Variants in SIPA1L1 observed in about 807,000 individuals in gnomAD.
SIPA1L1 encodes the protein signal induced proliferation associated 1 like 1.
SIPA1L1 carries 26 observed loss-of-function variants against 162.7 expected under a neutral mutation model. The observed-to-expected ratio is 0.16, with a 90% CI of 0.12 to 0.22. The LOEUF (loss-of-function observed/expected upper bound fraction) is 0.22, where lower values mean the gene tolerates loss of function less well. SIPA1L1 is among the 10% of genes least tolerant of loss of function. The pLI, the probability that SIPA1L1 is intolerant of heterozygous loss-of-function variation, is 1.00. For missense variants in SIPA1L1, 1,874 were observed against 2,241.0 expected, an observed-to-expected ratio of 0.84 and a Z score of 3.31; for synonymous variants, 829 against 837.4, an observed-to-expected ratio of 0.99 and a Z score of 0.17.
At position 71,730,114 on chromosome 14, in the gene SIPA1L1, C is replaced by G; in HGVS notation, c.4674C>G (p.Ala1558=). 1 of 1,614,162 alleles carries G rather than the reference C, an allele frequency of 6.2e-7. No individual in the cohort carries two copies. Among genetic ancestry groups the G allele is most frequent in the Non-Finnish European group, 8.5e-7 (1 of 1,180,006 alleles). Residue 1558 remains alanine, a synonymous_variant, in exon 20 of 24, where the codon GCC becomes GCG. Coordinates refer to ENST00000381232, the MANE Select transcript of SIPA1L1 (RefSeq NM_001386936.1). ...PFPSTPTSRR[A]LHRTLSDESI... is the part of the protein sequence containing the mutation. ...CCAGCACCCCCACCTCACGGCGGGC[C>G]TTGCACAGAACACTGTCGGACGAGA...
chr14:71,454,473 T>C (rs1287755378), intron 2 of SIPA1L1, among the ~76,000 whole-genome samples: 1 of 152,210 alleles, frequency 6.6e-6, no homozygotes, highest in Non-Finnish European at 1.5e-5. Context: ...CTTATATTAA[T>C]ATTAAGTAAA....
rs1485507128 is a variant in SIPA1L1 at position 71,529,315 on chromosome 14, A to G, written c.-358A>G. 2 of 653,944 alleles carry G rather than the reference A, an allele frequency of 3.1e-6. No homozygotes were observed. Among genetic ancestry groups the G allele is most frequent in the Admixed American group, 2.5e-5 (1 of 39,974 alleles). The allele number at this position is 653,944 out of a possible 1,614,324, so 40.5% of individuals were successfully genotyped here. The stretch of plus-strand genomic sequence containing the variant: ...TTTTTTTCTAATTTTATTTCAGGTT[A>G]TACCTTATTGGTGTGGACGTTGTCT... On this transcript the variant is annotated 5_prime_UTR_variant, in exon 4 of 24. Transcript: ENST00000381232.
intron 2 of SIPA1L1, among the ~76,000 whole-genome samples, chr14:71,409,816 T>C (rs1271922338): frequency 3.3e-5 from 5 of 152,198 alleles, no homozygotes; most frequent in Non-Finnish European, 7.3e-5. Context: ...GCAACATTTT[T>C]GTAGGTTGGT....
chr14:71,644,405 AT>A (rs1412129451), intron 7 of SIPA1L1, among the ~76,000 whole-genome samples: 1 of 151,848 alleles, frequency 6.6e-6, no homozygotes, highest in Non-Finnish European at 1.5e-5. Context: ...TACCCACCTG[AT>A]TTTTTAATTT....
chr14:71,340,173 A>T (rs2035500619), intron 2 of SIPA1L1, among the ~76,000 whole-genome samples: 2 of 152,200 alleles, frequency 1.3e-5, no homozygotes, highest in Admixed American at 6.5e-5. Context: ...TGATCTTGCT[A>T]CTATAGTTTT....
intron 9 of SIPA1L1, among the ~76,000 whole-genome samples, chr14:71,659,607 A>G (rs1596716557): frequency 6.6e-6 from 1 of 152,310 alleles, no homozygotes; most frequent in South Asian, 2.1e-4. Flanking sequence ...TCAGTAGATA[A>G]AAAATTTAAG....
chr14:71,513,377 A>G (rs1279471050), intron 3 of SIPA1L1, among the ~76,000 whole-genome samples: 1 of 152,066 alleles, frequency 6.6e-6, no homozygotes, highest in Admixed American at 6.5e-5. Context: ...CTTTTTACCT[A>G]GTGTATCAGT....
intron 4 of SIPA1L1, among the ~76,000 whole-genome samples, chr14:71,557,745 T>TA (rs1007577820): frequency 4.6e-5 from 7 of 152,222 alleles, no homozygotes; most frequent in Non-Finnish European, 7.3e-5. Context: ...GTAACTGATA[T>TA]AAAAAAACCT....
intron 10 of SIPA1L1, among the ~76,000 whole-genome samples, chr14:71,664,103 G>T (rs1053795421): frequency 4.6e-5 from 7 of 152,100 alleles, no homozygotes; most frequent in South Asian, 2.1e-4. Flanking sequence ...TTTAATGTTG[G>T]GGGGAGGCAG....
intron 6 of SIPA1L1, 58 bp downstream of exon 6, chr14:71,618,945 G>A (rs2039115636): frequency 6.4e-7 from 1 of 1,571,974 alleles, no homozygotes; most frequent in Non-Finnish European, 8.7e-7. Flanking sequence ...AAAGCAAATA[G>A]TAGCAGTAGC....
In SIPA1L1 at chr14:71,377,271, G is replaced by A. The variant is rs116767752; in HGVS notation, c.-465+56090G>A. Among the ~76,000 whole-genome samples, 5,359 of 151,732 alleles carry A rather than the reference G, an allele frequency of 0.035. 180 individuals carry two copies. Among genetic ancestry groups the A allele is most frequent in the African/African-American group, 0.087 (3,604 of 41,328 alleles). ...CCACCTCCCAGACGGGGCGGCGGCC[G>A]GACGGGGGCGTTCTCCACTTCTCAG... On this transcript the variant is annotated intron_variant, in intron 2 of 23. Transcript: ENST00000381232. The surrounding 1 kb of genome is among the most constrained non-coding windows in gnomAD (Gnocchi z 4.8).
intron 13 of SIPA1L1, among the ~76,000 whole-genome samples, chr14:71,689,215 A>G (rs954299900): frequency 2.0e-5 from 3 of 152,196 alleles, no homozygotes; most frequent in African/African-American, 7.2e-5. Flanking sequence ...TAGTTGGATG[A>G]TGTTCTTTAT....
chr14:71,689,537 C>T (rs2081104860), intron 13 of SIPA1L1, among the ~76,000 whole-genome samples: 1 of 152,112 alleles, frequency 6.6e-6, no homozygotes, highest in African/African-American at 2.4e-5. Flanking sequence ...AAACATAATG[C>T]GGGATCAGCA....
At chr14:71,694,132 A>C (rs1227911527) in intron 13 of SIPA1L1, among the ~76,000 whole-genome samples, 2 of 152,234 alleles carry the variant, frequency 1.3e-5, no homozygotes, top group Non-Finnish European at 2.9e-5. Flanking sequence ...CAGTTTAATA[A>C]GAATCTATTA....
At chr14:71,559,814 A>G (rs932575198) in intron 4 of SIPA1L1, among the ~76,000 whole-genome samples, 1 of 137,584 alleles carries the variant, frequency 7.3e-6, no homozygotes, top group Non-Finnish European at 1.5e-5. Context: ...ATTCCCATTC[A>G]AAGTAGAATT....
intron 12 of SIPA1L1, among the ~76,000 whole-genome samples, chr14:71,681,796 C>G (rs901957249): frequency 1.3e-5 from 2 of 151,886 alleles, no homozygotes; most frequent in Admixed American, 1.3e-4. Context: ...TCCACAGGGT[C>G]TTAAGGAAAA....
intron 2 of SIPA1L1, among the ~76,000 whole-genome samples, chr14:71,454,837 T>G (rs1010670038): frequency 6.6e-6 from 1 of 152,234 alleles, no homozygotes; most frequent in African/African-American, 2.4e-5. Context: ...AAGCTCTGGC[T>G]CTGTCTACCC....
At chr14:71,349,849 G>A (rs544849119) in intron 2 of SIPA1L1, among the ~76,000 whole-genome samples, 1 of 152,290 alleles carries the variant, frequency 6.6e-6, no homozygotes, top group South Asian at 2.1e-4. Flanking sequence ...AGTGGGGGAA[G>A]CAGACGCATT....
intron 2 of SIPA1L1, among the ~76,000 whole-genome samples, chr14:71,331,355 T>C (rs1449350696): frequency 1.3e-5 from 2 of 152,218 alleles, no homozygotes; most frequent in African/African-American, 4.8e-5. Flanking sequence ...GTTCTAGATA[T>C]TGAATAATAA....
Sources: gnomAD v4.1 joint callset for allele counts (sites outside exome capture counted in the v4.1 genomes callset) on GRCh38, gnomAD v4.1.1 for gene constraint, Gnocchi (gnomAD v3.1) non-coding constraint, MANE v1.5 for transcripts, NCBI Gene and HGNC (gene_info 2026-07-23, HGNC 2026-07-21) for gene names.